The following ARFGEF3 variants were observed in gnomAD, a reference collection of about 807,000 sequenced individuals.
ARFGEF3 encodes the protein ARFGEF family member 3.
In ARFGEF3, 96 loss-of-function variants were observed where a neutral mutation model predicts 221.7. That is an observed-to-expected ratio of 0.43 (90% CI 0.37 to 0.51). The LOEUF (loss-of-function observed/expected upper bound fraction) is 0.51. Ranked by LOEUF, ARFGEF3 falls within the 20% of genes least tolerant of loss-of-function variation. ARFGEF3 has a pLI of 0.00. For synonymous variants in ARFGEF3, 1,145 were observed against 1,126.8 expected (o/e 1.02, Z -0.32); for missense variants, 2,410 against 2,789.9 (o/e 0.86, Z 3.07).
At chr6:138,261,761 T>G in intron 11 of ARFGEF3, 122 bp downstream of exon 11, 1 of 458,074 alleles carries the variant, frequency 2.2e-6, no homozygotes, top group Non-Finnish European at 3.9e-6. Context: ...TATTTAATAA[T>G]TTACCCACAA....
intron 32 of ARFGEF3, among the ~76,000 whole-genome samples, chr6:138,333,462 G>T (rs1448600203): frequency 6.6e-6 from 1 of 151,912 alleles, no homozygotes; most frequent in Non-Finnish European, 1.5e-5. Context: ...TTCTTTTTGA[G>T]ACAGAGTCTT....
At position 138,334,703 on chromosome 6, in the gene ARFGEF3, G is replaced by A. The variant is rs749072879; in HGVS notation, c.5857G>A (p.Gly1953Arg). The change falls in exon 33 of 34, where the codon GGG (glycine) becomes AGG (arginine). Residue 1953 changes from glycine to arginine, a missense_variant. By Grantham distance (125) the Gly-to-Arg change is moderately radical. Around this residue, in one of 5 missense-constraint regions of ARFGEF3, gnomAD observed 339 missense variants for 334.9 expected, o/e 1.01. Coordinates refer to ENST00000251691, the MANE Select transcript of ARFGEF3 (RefSeq NM_020340.5). The surrounding 1 kb of genome is among the most constrained non-coding windows in gnomAD (Gnocchi z 5.1). ...FQSESSTPSTGGFSGKETPSE... is the reference protein window; with the variant it reads ...FQSESSTPSTRGFSGKETPSE... ...GTCCGAGTCATCCACCCCATCCACC[G>A]GGGGCTTCTCTGGGAAAGAAACCCC... is the stretch of plus-strand genomic sequence containing the variant. The A allele has an allele frequency of 6.2e-6, 10 of 1,609,990 alleles. No homozygotes were observed. Among genetic ancestry groups the A allele is most frequent in the Admixed American group, 1.7e-5 (1 of 59,882 alleles).
chr6:138,341,900 C>T lies in ARFGEF3; in HGVS notation c.*5414C>T, dbSNP rs1280934392. The T allele has an allele frequency of 6.6e-6, 1 of 152,178 alleles. No homozygotes were observed. The highest frequency in any genetic ancestry group is 6.5e-5 in the Admixed American group (1 of 15,278). 9.4% of individuals were successfully genotyped at this position (152,178 alleles called of 1,614,324 possible). On this transcript the variant is annotated 3_prime_UTR_variant, in exon 34 of 34. Coordinates refer to ENST00000251691, the MANE Select transcript of ARFGEF3 (RefSeq NM_020340.5). Reference sequence around the variant, plus strand: ...TCATTGAAGAGAAACCACTACCACACCACTAGCACCATACAGAACCTTTTC... The same window carrying T: ...TCATTGAAGAGAAACCACTACCACATCACTAGCACCATACAGAACCTTTTC...
chr6:138,218,571 A>C, intron 4 of ARFGEF3: 1 of 1,132,254 alleles, frequency 8.8e-7, no homozygotes, highest in Non-Finnish European at 1.2e-6. Flanking sequence ...CCATCCTACG[A>C]GGTAGAGTTT....
In ARFGEF3 at chr6:138,255,778, G is replaced by A. The variant is rs1054744501; in HGVS notation, c.1104+9G>A. Reference sequence around the variant, plus strand: ...TCAAAATAATGAAAGAGGTGAGGAGGCACTGGAGATCGCCACCAGGTTTAC... The same window carrying A: ...TCAAAATAATGAAAGAGGTGAGGAGACACTGGAGATCGCCACCAGGTTTAC... On this transcript the variant is annotated intron_variant, in intron 10 of 33. Transcript: ENST00000251691. 1.3e-6 allele frequency: 2 copies of A among 1,517,306 alleles called. 1 individual carries two copies. The highest frequency in any genetic ancestry group is 2.6e-5 in the South Asian group (2 of 78,104). 94.0% of individuals were successfully genotyped at this position (1,517,306 alleles called of 1,614,324 possible). A position where few individuals can be genotyped will look rare whatever the true frequency, so the allele number is the denominator to read the frequency against.
rs752331227 is a variant in ARFGEF3, at chr6:138,162,622, G to C, written c.85+451G>C. Among the ~76,000 whole-genome samples, 9 of 152,212 alleles carry C rather than the reference G, an allele frequency of 5.9e-5. No individual in the cohort carries two copies. The highest frequency in any genetic ancestry group is 1.2e-4 in the Non-Finnish European group (8 of 68,040). ...TGTTTAATTTGATTTTCCTGATAGA[G>C]GTCAGCTTGCTTAGTGTTAGCTTTC... On this transcript the variant is annotated intron_variant, in intron 1 of 33. Coordinates refer to ENST00000251691, the MANE Select transcript of ARFGEF3 (RefSeq NM_020340.5). This position sits in a 1 kb window ranked among gnomAD's most constrained non-coding sequence, Gnocchi z 4.7.
At chr6:138,272,142 CATTTATTTATTTATTT>C (rs6149826) in intron 12 of ARFGEF3, among the ~76,000 whole-genome samples, 1 of 148,758 alleles carries the variant, frequency 6.7e-6, no homozygotes, top group East Asian at 2.0e-4. Flanking sequence ...TAGCAGATGC[CATTTATTTATTTATTT>C]ATTTATTTAT....
chr6:138,287,027 T>C, intron 16 of ARFGEF3, 47 bp from the exon 17 acceptor site: 1 of 1,558,578 alleles, frequency 6.4e-7, no homozygotes, highest in South Asian at 1.2e-5. Context: ...AGGTGAATGG[T>C]TAGAGGATAT....
chr6:138,219,956 A>G (rs1777949998), intron 4 of ARFGEF3, among the ~76,000 whole-genome samples: 1 of 152,072 alleles, frequency 6.6e-6, no homozygotes, highest in Non-Finnish European at 1.5e-5. Context: ...TTATGTGTTT[A>G]TAGTTATATT....
chr6:138,270,643 A>G (rs1018040795), intron 12 of ARFGEF3, among the ~76,000 whole-genome samples: 2 of 152,236 alleles, frequency 1.3e-5, no homozygotes, highest in African/African-American at 4.8e-5. Flanking sequence ...TAAATGCAGT[A>G]GTACAGTAGG....
intron 20 of ARFGEF3, 137 bp downstream of exon 20, chr6:138,294,263 G>A: frequency 1.1e-6 from 1 of 934,652 alleles, no homozygotes; most frequent in Non-Finnish European, 1.6e-6. Context: ...CCCAAGTATA[G>A]ATTTGTCTCC....
intron 5 of ARFGEF3, among the ~76,000 whole-genome samples, chr6:138,230,060 C>A (rs951487709): frequency 2.6e-5 from 4 of 152,118 alleles, no homozygotes; most frequent in East Asian, 1.9e-4. Flanking sequence ...CAGAGCCCTG[C>A]ATGCTTACGT....
chr6:138,303,882 AAAAAAAG>A (rs1779671253), intron 22 of ARFGEF3, among the ~76,000 whole-genome samples: 2 of 150,424 alleles, frequency 1.3e-5, no homozygotes, highest in Non-Finnish European at 3.0e-5. Flanking sequence ...AAAAAAAAAA[AAAAAAAG>A]ATAATAGCAA....
rs1350484227 is a variant in ARFGEF3 at position 138,323,744 on chromosome 6, G to A, written c.4840G>A (p.Ala1614Thr). 1.2e-6 allele frequency: 2 copies of A among 1,614,010 alleles called. No individual in the cohort carries two copies. The highest frequency in any genetic ancestry group is 1.7e-5 in the Admixed American group (1 of 60,032). ...GCTTGCCTGCTGTGCCCTGCAAGATGCGTTCTCTGCCACACTCAAGCCAGT... is the reference window on the plus strand; with the variant it reads ...GCTTGCCTGCTGTGCCCTGCAAGATACGTTCTCTGCCACACTCAAGCCAGT... ...WRLACCALQD[A>T]FSATLKPVKD... The change falls in exon 30 of 34, where the codon GCG becomes ACG. Residue 1614 changes from alanine to threonine, a missense_variant. This residue lies in a region of ARFGEF3 where 723 missense variants were observed against 991.9 expected (regional missense o/e 0.73). Coordinates refer to ENST00000251691, the MANE Select transcript of ARFGEF3 (RefSeq NM_020340.5).
intron 7 of ARFGEF3, among the ~76,000 whole-genome samples, chr6:138,244,053 G>T (rs1208386641): frequency 2.0e-5 from 3 of 152,160 alleles, no homozygotes; most frequent in Non-Finnish European, 4.4e-5. Flanking sequence ...CGACTTCTTG[G>T]TCAAGGATAC....
chr6:138,185,941 A>G (rs969236739), intron 2 of ARFGEF3, among the ~76,000 whole-genome samples: 1 of 152,230 alleles, frequency 6.6e-6, no homozygotes, highest in Non-Finnish European at 1.5e-5. Context: ...TACAATAGGT[A>G]CGAACATAAT....
intron 14 of ARFGEF3, among the ~76,000 whole-genome samples, chr6:138,282,786 C>G (rs1175858789): frequency 6.6e-6 from 1 of 152,298 alleles, no homozygotes; most frequent in South Asian, 2.1e-4. Context: ...CAGTGGCTCA[C>G]GCCAATAATC....
Position 138,336,535 on chromosome 6 carries a change from G to A in ARFGEF3, c.*49G>A. On this transcript the variant is annotated 3_prime_UTR_variant, in exon 34 of 34. Coordinates refer to ENST00000251691, the MANE Select transcript of ARFGEF3 (RefSeq NM_020340.5). ...CCAAATAACAGTAGTGAGGGTTAGA[G>A]TCCTGCCAATACAGCTGTTGCATTT... 6.8e-7 allele frequency: 1 copy of A among 1,473,074 alleles called. No individual in the cohort carries two copies. Among genetic ancestry groups the A allele is most frequent in the East Asian group, 2.4e-5 (1 of 41,476 alleles). The allele number at this position is 1,473,074 out of a possible 1,614,324, so 91.3% of individuals were successfully genotyped here. A position where few individuals can be genotyped will look rare whatever the true frequency, so the allele number is the denominator to read the frequency against.
intron 29 of ARFGEF3, 44 bp from the exon 30 acceptor site, chr6:138,323,626 CA>C: frequency 6.4e-7 from 1 of 1,573,910 alleles, no homozygotes; most frequent in Non-Finnish European, 8.7e-7. Context: ...AAACAAACAA[CA>C]ACAACAACAA....
Sources: allele counts gnomAD v4.1 joint callset (sites outside exome capture counted in the v4.1 genomes callset), GRCh38; gene constraint gnomAD v4.1.1; regional missense constraint gnomAD v4.1.1; non-coding constraint Gnocchi (gnomAD v3.1); transcripts MANE v1.5; gene names NCBI Gene and HGNC (gene_info 2026-07-23, HGNC 2026-07-21).